Variants in RFWD3 observed in about 807,000 individuals in gnomAD.
RFWD3 encodes ring finger and WD repeat domain 3.
Under a neutral mutation model 87.7 loss-of-function variants are expected in RFWD3, and 65 were observed. That is an observed-to-expected ratio of 0.74 (90% CI 0.61 to 0.91). RFWD3 has a LOEUF of 0.91. Among genes scored for constraint, RFWD3 ranks in the 40% least tolerant of loss-of-function variants. The pLI is 0.00. For synonymous variants in RFWD3, 433 were observed against 352.8 expected (o/e 1.23, Z -2.55); for missense variants, 1,078 against 938.5 (o/e 1.15, Z -1.94).
At chr16:74,657,222 C>T (rs931900091) in intron 2 of RFWD3, among the ~76,000 whole-genome samples, 5 of 152,282 alleles carry the variant, frequency 3.3e-5, no homozygotes, top group Non-Finnish European at 7.4e-5. Flanking sequence ...ACTATGATTA[C>T]AGGCAGATGC....
chr16:74,652,237 G>A (rs1282573096), intron 2 of RFWD3, 115 bp from the exon 3 acceptor site: 11 of 916,650 alleles, frequency 1.2e-5, no homozygotes. Flanking sequence ...GCCATTAAAT[G>A]CTGCCTTTGA....
chr16:74,630,390 A>G (rs1959057361), intron 10 of RFWD3, among the ~76,000 whole-genome samples: 1 of 152,076 alleles, frequency 6.6e-6, no homozygotes, highest in African/African-American at 2.4e-5. Flanking sequence ...AAGCCACCGC[A>G]CCCAGCGACA....
rs556158961 is a variant in RFWD3, at chr16:74,628,588, G to C, written c.1833C>G (p.Thr611=). The C allele has an allele frequency of 4.2e-5, 68 of 1,614,126 alleles. No individual in the cohort carries two copies. Among genetic ancestry groups the C allele is most frequent in the Non-Finnish European group, 5.8e-5 (68 of 1,180,040 alleles). ...AFPYGGVLAG[T]LEDASFWEQK... ...GTTCCCAGAATGAAGCATCCTCCAA[G>C]GTTCCAGCCAGCACCCCACCATATG... The change falls in exon 11 of 13, where the codon ACC becomes ACG. Residue 611 remains threonine (T), a synonymous_variant. Coordinates refer to ENST00000361070, the MANE Select transcript of RFWD3 (RefSeq NM_018124.4).
At position 74,644,469 on chromosome 16, in the gene RFWD3, G is replaced by C; in HGVS notation, c.988-16C>G. The C allele has an allele frequency of 6.2e-7, 1 of 1,614,100 alleles. No individual in the cohort carries two copies. Among genetic ancestry groups the C allele is most frequent in the Non-Finnish European group, 8.5e-7 (1 of 1,179,966 alleles). On this transcript the variant is annotated splice_polypyrimidine_tract_variant and intron_variant, in intron 5 of 12. Transcript: ENST00000361070. ...TCTTGTTGCACTAAAGAACCCAATAGGACATAATTAGAGTGGTTCTAGGAA... is the reference window on the plus strand; with the variant it reads ...TCTTGTTGCACTAAAGAACCCAATACGACATAATTAGAGTGGTTCTAGGAA...
chr16:74,663,724 T>C (rs1961650754), intron 1 of RFWD3, among the ~76,000 whole-genome samples: 1 of 152,020 alleles, frequency 6.6e-6, no homozygotes. Context: ...TTTAAGGCCA[T>C]AAAGGAGAAA....
chr16:74,662,911 T>TC (rs1961573032), intron 1 of RFWD3, among the ~76,000 whole-genome samples: 1 of 151,594 alleles, frequency 6.6e-6, no homozygotes, highest in African/African-American at 2.4e-5. Flanking sequence ...ATGCTTCTTT[T>TC]TTTTTTTTTT....
At chr16:74,657,971 G>T (rs1398853007) in intron 2 of RFWD3, among the ~76,000 whole-genome samples, 1 of 152,154 alleles carries the variant, frequency 6.6e-6, no homozygotes, top group Non-Finnish European at 1.5e-5. Flanking sequence ...GTAAAAAAGT[G>T]ATAGACGATT....
In RFWD3 at chr16:74,633,259, C is replaced by G. The variant is rs1254836245; in HGVS notation, c.1427-586G>C. ...ACCACTACACTCCAGCGTGGGCAACCAGAGCAAAACTCCGTCTCAGAAAAA... is the reference window on the plus strand; with the variant it reads ...ACCACTACACTCCAGCGTGGGCAACGAGAGCAAAACTCCGTCTCAGAAAAA... On this transcript the variant is annotated intron_variant, in intron 8 of 12. Transcript: ENST00000361070. Among the ~76,000 whole-genome samples, 3 of 122,376 alleles carry G rather than the reference C, an allele frequency of 2.5e-5. No individual in the cohort carries two copies. In the East Asian group the frequency reaches 7.2e-4, roughly 29 times the overall value. The allele number at this position is 122,376 out of a possible 152,430, so 80.3% of individuals were successfully genotyped here. A position where few individuals can be genotyped will look rare whatever the true frequency, so the allele number is the denominator to read the frequency against.
At position 74,661,153 on chromosome 16, in the gene RFWD3, T is replaced by C. The variant is rs775970172; in HGVS notation, c.297A>G (p.Ser99=). Residue 99 remains serine, a synonymous_variant, in exon 2 of 13, where the codon TCA becomes TCG. Coordinates refer to ENST00000361070, the MANE Select transcript of RFWD3 (RefSeq NM_018124.4). ...CATCAGATCCCTGCCTATGTTGTTC[T>C]GAAGTTCTTGGATTGATGTTCTCCA... ...DTVENINPRT[S]EQHRQGSDGN... 7 of 1,614,122 alleles carry C rather than the reference T, an allele frequency of 4.3e-6. No individual in the cohort carries two copies. The highest frequency in any genetic ancestry group is 5.9e-6 in the Non-Finnish European group (7 of 1,180,056).
chr16:74,651,965 C>G lies in RFWD3; in HGVS notation c.676G>C (p.Gly226Arg), dbSNP rs200006159. Residue 226 changes from glycine (G) to arginine (R), a missense_variant, in exon 3 of 13, where the codon GGG becomes CGG. Physicochemically the swap from Gly to Arg is moderately radical, Grantham distance 125 (BLOSUM62 -2). Transcript: ENST00000361070. Reference sequence around the variant, plus strand: ...GATTCCTCTGCCTGGTCAACAACCCCTCCATACTCTGCAGAGCTGTCACTG... The same window carrying G: ...GATTCCTCTGCCTGGTCAACAACCCGTCCATACTCTGCAGAGCTGTCACTG... ...SDSDSSAEYGGVVDQAEESGA... is the reference protein window; with the variant it reads ...SDSDSSAEYGRVVDQAEESGA... The G allele has an allele frequency of 6.2e-7, 1 of 1,613,882 alleles. No individual in the cohort carries two copies. Among genetic ancestry groups the G allele is most frequent in the Non-Finnish European group, 8.5e-7 (1 of 1,179,938 alleles).
intron 10 of RFWD3, among the ~76,000 whole-genome samples, chr16:74,629,840 A>G (rs1567567201): frequency 6.6e-6 from 1 of 152,086 alleles, no homozygotes; most frequent in Non-Finnish European, 1.5e-5. Context: ...CAGGTCACAG[A>G]CCCTACTCCC....
In RFWD3 at chr16:74,621,608, A is replaced by G. The variant is rs1567561301; in HGVS notation, c.*2320T>C. On this transcript the variant is annotated 3_prime_UTR_variant, in exon 13 of 13. Transcript: ENST00000361070. ...GACAAAGGAATATGGTGGGGCAGAG[A>G]CTGGTGGAGCCCAGAAGACTAAAGC... The G allele has an allele frequency of 1.3e-5, 2 of 152,136 alleles. No individual in the cohort carries two copies. Among genetic ancestry groups the G allele is most frequent in the East Asian group, 3.9e-4 (2 of 5,190 alleles). The allele number at this position is 152,136 out of a possible 1,614,324, so 9.4% of individuals were successfully genotyped here. A position where few individuals can be genotyped will look rare whatever the true frequency, so the allele number is the denominator to read the frequency against.
intron 3 of RFWD3, among the ~76,000 whole-genome samples, chr16:74,650,528 C>T (rs1427557368): frequency 3.3e-5 from 5 of 151,816 alleles, no homozygotes; most frequent in Admixed American, 1.3e-4. Context: ...CACCCTGGTC[C>T]CTGTATTAAA....
At chr16:74,659,649 G>A (rs1262211700) in intron 2 of RFWD3, among the ~76,000 whole-genome samples, 2 of 151,236 alleles carry the variant, frequency 1.3e-5, no homozygotes, top group Non-Finnish European at 2.9e-5. Flanking sequence ...TGTCAACACA[G>A]AACTAGGCAT....
intron 4 of RFWD3, among the ~76,000 whole-genome samples, chr16:74,648,709 T>A (rs754755994): frequency 6.6e-6 from 1 of 150,680 alleles, no homozygotes; most frequent in African/African-American, 2.4e-5. Flanking sequence ...GAGGCAGAGG[T>A]TATTGTGGTG....
chr16:74,623,529 G>C lies in RFWD3; in HGVS notation c.*399C>G. On this transcript the variant is annotated 3_prime_UTR_variant, in exon 13 of 13. Transcript: ENST00000361070. ...TTAGTCCCTTCAAGGATACTTAAGT[G>C]ACAGGACAACTCAGATGGGATGTCA... is the stretch of plus-strand genomic sequence containing the variant. 1 of 170,538 alleles carries C rather than the reference G, an allele frequency of 5.9e-6. No homozygotes were observed. The highest frequency in any genetic ancestry group is 1.2e-5 in the Non-Finnish European group (1 of 80,308). 10.6% of individuals were successfully genotyped at this position (170,538 alleles called of 1,614,324 possible).
chr16:74,665,895 T>G (rs926972550), intron 1 of RFWD3, among the ~76,000 whole-genome samples: 11 of 152,026 alleles, frequency 7.2e-5, no homozygotes, highest in African/African-American at 2.7e-4. Context: ...ATGGGGTTTC[T>G]CCATGTTGGT....
At chr16:74,637,833 T>G (rs376045953) in intron 7 of RFWD3, 23 bp downstream of exon 7, 1 of 1,562,062 alleles carries the variant, frequency 6.4e-7, no homozygotes, top group East Asian at 2.3e-5. Context: ...AAAAGTTCTT[T>G]GGATTAGAAA....
Position 74,623,536 on chromosome 16 carries a change from C to A in RFWD3, c.*392G>T. 5.7e-6 allele frequency: 1 copy of A among 173,932 alleles called. No individual in the cohort carries two copies. Among genetic ancestry groups the A allele is most frequent in the Non-Finnish European group, 1.2e-5 (1 of 82,428 alleles). The allele number at this position is 173,932 out of a possible 1,614,324, so 10.8% of individuals were successfully genotyped here. On this transcript the variant is annotated 3_prime_UTR_variant, in exon 13 of 13. Coordinates refer to ENST00000361070, the MANE Select transcript of RFWD3 (RefSeq NM_018124.4). ...CTTCAAGGATACTTAAGTGACAGGA[C>A]AACTCAGATGGGATGTCATATTCCC... is the stretch of plus-strand genomic sequence containing the variant.
Sources: gnomAD v4.1 joint callset for allele counts (sites outside exome capture counted in the v4.1 genomes callset) on GRCh38, gnomAD v4.1.1 for gene constraint, MANE v1.5 for transcripts, NCBI Gene and HGNC (gene_info 2026-07-23, HGNC 2026-07-21) for gene names.